WDR7: variants seen among roughly 807,000 people sequenced by gnomAD.
WDR7 encodes the protein WD repeat domain 7, also known as WD repeat-containing protein 7.
A neutral mutation model predicts 169.4 loss-of-function variants in WDR7; 46 were observed. The ratio of observed to expected loss-of-function variants is 0.27; its 90% CI spans 0.21 to 0.35. The LOEUF is 0.35. Ranked by LOEUF, WDR7 falls within the 10% of genes least tolerant of loss-of-function variation. The pLI, the probability that WDR7 is intolerant of heterozygous loss-of-function variation, is 1.00. For synonymous variants in WDR7, 612 were observed against 666.8 expected (o/e 0.92, Z 1.27); for missense variants, 1,534 against 1,859.3 (o/e 0.83, Z 3.22).
intron 12 of WDR7, among the ~76,000 whole-genome samples, chr18:56,704,817 G>T (rs1345599339): frequency 6.6e-6 from 1 of 152,096 alleles, no homozygotes; most frequent in Non-Finnish European, 1.5e-5. Flanking sequence ...TGCTGATTAG[G>T]CATGAAATTT....
chr18:57,031,080 T>G (rs2048439261), downstream of WDR7: 1 of 150,284 alleles, frequency 6.7e-6, no homozygotes, highest in African/African-American at 2.5e-5. Context: ...GGCTACAGAT[T>G]GTTTTGTTTT....
At chr18:56,768,951 C>T (rs991803078) in intron 16 of WDR7, among the ~76,000 whole-genome samples, 4 of 152,146 alleles carry the variant, frequency 2.6e-5, no homozygotes, top group African/African-American at 9.7e-5. Context: ...TTTTCCATAA[C>T]CAATATTAGG....
chr18:56,970,905 G>A (rs2047474572), intron 26 of WDR7, among the ~76,000 whole-genome samples: 1 of 152,306 alleles, frequency 6.6e-6, no homozygotes, highest in African/African-American at 2.4e-5. Context: ...ATGCTCTGAT[G>A]CTGTTTCACA....
intron 19 of WDR7, among the ~76,000 whole-genome samples, chr18:56,786,158 G>T (rs977469234): frequency 6.6e-6 from 1 of 152,086 alleles, no homozygotes; most frequent in Non-Finnish European, 1.5e-5. Flanking sequence ...GCAGATCACT[G>T]CCAGACTGGA....
chr18:57,010,040 C>A lies in WDR7; in HGVS notation c.4165-10705C>A, dbSNP rs188094443. The stretch of plus-strand genomic sequence containing the variant: ...AGTGTGTACATGTGTCTGCTGAAGT[C>A]CTGCCATGTAAAAGCCTGAAATGTC... On this transcript the variant is annotated intron_variant, in intron 26 of 27. Coordinates refer to ENST00000254442, the MANE Select transcript of WDR7 (RefSeq NM_015285.3). 9 of 985,402 alleles carry A rather than the reference C, an allele frequency of 9.1e-6. No homozygotes were observed. In the Admixed American group the frequency reaches 5.5e-4, roughly 60 times the overall value. The allele number at this position is 985,402 out of a possible 1,614,324, so 61.0% of individuals were successfully genotyped here.
chr18:56,667,492 A>G (rs906962948), intron 1 of WDR7, among the ~76,000 whole-genome samples: 7 of 152,128 alleles, frequency 4.6e-5, no homozygotes, highest in Admixed American at 3.9e-4. Context: ...ATGTGGCCCA[A>G]CTGAAGATCA....
At chr18:56,920,066 C>T (rs1004626713) in intron 21 of WDR7, among the ~76,000 whole-genome samples, 5 of 152,068 alleles carry the variant, frequency 3.3e-5, no homozygotes, top group Non-Finnish European at 7.4e-5. Context: ...CTCCCCTTCA[C>T]CTATTTATCC....
intron 21 of WDR7, among the ~76,000 whole-genome samples, chr18:56,908,623 A>T (rs1366230155): frequency 6.6e-6 from 1 of 152,186 alleles, no homozygotes; most frequent in Non-Finnish European, 1.5e-5. Flanking sequence ...AGTATAATCT[A>T]GAATAAGTTA....
chr18:56,875,091 T>A (rs1030278667), intron 20 of WDR7, among the ~76,000 whole-genome samples: 2 of 152,218 alleles, frequency 1.3e-5, no homozygotes, highest in African/African-American at 4.8e-5. Flanking sequence ...CAATGGAATT[T>A]AAAGTGTATA....
chr18:56,816,108 G>A lies in WDR7; in HGVS notation c.3268G>A (p.Glu1090Lys), dbSNP rs758955201. ...ASGPEAKVQE[E>K]EHDLVDDDIT... ...AGGGCCTGAAGCAAAAGTCCAGGAGGAAGAGCATGACCTTGTTGACGATGA... is the reference window on the plus strand; with the variant it reads ...AGGGCCTGAAGCAAAAGTCCAGGAGAAAGAGCATGACCTTGTTGACGATGA... The change falls in exon 20 of 28, where the codon GAA becomes AAA. Residue 1090 changes from glutamate to lysine, a missense_variant. Transcript: ENST00000254442. 2 of 1,613,870 alleles carry A rather than the reference G, an allele frequency of 1.2e-6. No homozygotes were observed. Among genetic ancestry groups the A allele is most frequent in the African/African-American group, 2.7e-5 (2 of 75,040 alleles).
At chr18:56,968,168 A>G (rs1292861764) in intron 26 of WDR7, among the ~76,000 whole-genome samples, 1 of 151,974 alleles carries the variant, frequency 6.6e-6, no homozygotes, top group Non-Finnish European at 1.5e-5. Context: ...AGACTTCTCT[A>G]TATCAAATTA....
chr18:56,907,519 T>C (rs1371737936), intron 21 of WDR7, among the ~76,000 whole-genome samples: 5 of 152,204 alleles, frequency 3.3e-5, no homozygotes, highest in African/African-American at 1.2e-4. Context: ...ATCTGCCTAA[T>C]AAGATTGTAC....
At chr18:56,793,201 A>C (rs2044523025) in intron 19 of WDR7, among the ~76,000 whole-genome samples, 1 of 152,200 alleles carries the variant, frequency 6.6e-6, no homozygotes, top group Non-Finnish European at 1.5e-5. Flanking sequence ...CATATACTTC[A>C]TTATTTTGAA....
chr18:56,922,361 G>A lies in WDR7; in HGVS notation c.3527-1561G>A, dbSNP rs527885072. Among the ~76,000 whole-genome samples the A allele has an allele frequency of 1.2e-4, 18 of 152,116 alleles. 1 individual carries two copies. The South Asian group carries it at 3.7e-3, about 32-fold the overall frequency. On this transcript the variant is annotated intron_variant, in intron 21 of 27. Coordinates refer to ENST00000254442, the MANE Select transcript of WDR7 (RefSeq NM_015285.3). ...CAGACTTACTGAGGAAAAGGGAAAT[G>A]CTCATATTTAAAAATATGAGCATTT...
In WDR7 at chr18:56,864,962, T is replaced by C. The variant is rs191560794; in HGVS notation, c.3305-14982T>C. On this transcript the variant is annotated intron_variant, in intron 20 of 27. Transcript: ENST00000254442. ...AGTTGATTGTAGCTCTGTGAGGTTA[T>C]GCCATGTTATCCAAACAAGACCGAT... 5.6e-4 allele frequency among the ~76,000 whole-genome samples: 85 copies of C among 152,128 alleles called. No homozygotes were observed. The East Asian group carries it at 0.015, about 26-fold the overall frequency.
At chr18:56,989,938 T>C (rs2047785743) in intron 26 of WDR7, among the ~76,000 whole-genome samples, 1 of 152,238 alleles carries the variant, frequency 6.6e-6, no homozygotes, top group Non-Finnish European at 1.5e-5. Context: ...CCCAAGTCTA[T>C]AGTAAGTGTC....
intron 19 of WDR7, among the ~76,000 whole-genome samples, chr18:56,782,699 G>T (rs1156609323): frequency 6.6e-6 from 1 of 152,114 alleles, no homozygotes; most frequent in Non-Finnish European, 1.5e-5. Context: ...AAGATGGACA[G>T]TACATTATTA....
At chr18:56,688,392 T>C (rs2025488201) in intron 7 of WDR7, among the ~76,000 whole-genome samples, 1 of 152,008 alleles carries the variant, frequency 6.6e-6, no homozygotes, top group South Asian at 2.1e-4. Context: ...GTTTCTTCCT[T>C]TGTGTTAAAA....
intron 16 of WDR7, among the ~76,000 whole-genome samples, chr18:56,767,763 T>G (rs963485813): frequency 1.3e-5 from 2 of 152,172 alleles, no homozygotes; most frequent in East Asian, 1.9e-4. Context: ...CTGGTAGAAA[T>G]GGAAACAGGC....
Sources: allele counts gnomAD v4.1 joint callset (sites outside exome capture counted in the v4.1 genomes callset), GRCh38; gene constraint gnomAD v4.1.1; transcripts MANE v1.5; gene names NCBI Gene and HGNC (gene_info 2026-07-23, HGNC 2026-07-21).